Variants in PDGFD observed in about 807,000 individuals in gnomAD.
PDGFD encodes the protein platelet-derived growth factor D.
Under a neutral mutation model 44.7 loss-of-function variants are expected in PDGFD, and 30 were observed. The observed-to-expected ratio is 0.67, with a 90% CI of 0.50 to 0.91. PDGFD has a LOEUF of 0.91. Ranked by LOEUF, PDGFD falls within the 40% of genes least tolerant of loss-of-function variation. The probability of loss-of-function intolerance (pLI) is 0.00; values close to 1 mark genes in which losing one functional copy is unlikely to be tolerated. For synonymous variants in PDGFD, 173 were observed against 168.4 expected, an observed-to-expected ratio of 1.03 and a Z score of -0.21; for missense variants, 445 against 457.8, an observed-to-expected ratio of 0.97 and a Z score of 0.25.
intron 1 of PDGFD, among the ~76,000 whole-genome samples, chr11:104,044,930 C>A (rs1179354693): frequency 1.3e-5 from 2 of 152,030 alleles, no homozygotes; most frequent in Non-Finnish European, 2.9e-5. Context: ...CCCAGGTAGT[C>A]CGGAGGCTGA....
intron 1 of PDGFD, among the ~76,000 whole-genome samples, chr11:104,086,207 A>G (rs1050488262): frequency 1.3e-5 from 2 of 152,156 alleles, no homozygotes; most frequent in Non-Finnish European, 2.9e-5. Context: ...AGTAGAGTCT[A>G]TAAGTCTTGC....
chr11:103,943,968 G>C (rs1858632598), intron 4 of PDGFD, among the ~76,000 whole-genome samples: 1 of 152,036 alleles, frequency 6.6e-6, no homozygotes, highest in Non-Finnish European at 1.5e-5. Context: ...CAGTTTCTTG[G>C]TTCATGGTCC....
At chr11:103,959,413 C>T (rs1858903554) in intron 3 of PDGFD, among the ~76,000 whole-genome samples, 1 of 152,198 alleles carries the variant, frequency 6.6e-6, no homozygotes, top group African/African-American at 2.4e-5. Flanking sequence ...TGTGGTTAAA[C>T]TAGAGAGATG....
At chr11:103,937,797 T>C (rs1001449239) in intron 5 of PDGFD, among the ~76,000 whole-genome samples, 2 of 148,350 alleles carry the variant, frequency 1.3e-5, no homozygotes, top group Non-Finnish European at 3.0e-5. Context: ...AGTGAGAACA[T>C]GCGGTGTTTG....
intron 1 of PDGFD, among the ~76,000 whole-genome samples, chr11:104,015,836 C>T (rs561489697): frequency 6.6e-6 from 1 of 152,250 alleles, no homozygotes; most frequent in East Asian, 1.9e-4. Flanking sequence ...TGGTTAAAAA[C>T]AGAGACACAG....
chr11:104,013,089 G>A (rs1313882597), intron 1 of PDGFD, among the ~76,000 whole-genome samples: 1 of 152,208 alleles, frequency 6.6e-6, no homozygotes, highest in African/African-American at 2.4e-5. Context: ...GAGCAGTATG[G>A]CAGAGAAGGA....
At chr11:104,113,737 C>G (rs1480234391) in intron 1 of PDGFD, among the ~76,000 whole-genome samples, 1 of 151,996 alleles carries the variant, frequency 6.6e-6, no homozygotes, top group Non-Finnish European at 1.5e-5. Context: ...TTCCTACCAG[C>G]TATAATGAAA....
intron 1 of PDGFD, among the ~76,000 whole-genome samples, chr11:104,073,179 G>A (rs1046736218): frequency 2.0e-5 from 3 of 151,988 alleles, no homozygotes; most frequent in African/African-American, 7.2e-5. Context: ...AACTATATAA[G>A]CTGCAATTGA....
rs560354386 is a variant in PDGFD at position 104,110,998 on chromosome 11, TTTTG to T, written c.124+52802_124+52805del. On this transcript the variant is annotated intron_variant, in intron 1 of 6. Coordinates refer to ENST00000393158, the MANE Select transcript of PDGFD (RefSeq NM_025208.5). Reference sequence around the variant, plus strand: ...AGTTTCAATTCTAGAAATATATTGCTTTTGTTTATTGAGTAAAATTCTACAGGAA... The same window carrying T: ...AGTTTCAATTCTAGAAATATATTGCTTTTATTGAGTAAAATTCTACAGGAA... Among the ~76,000 whole-genome samples, 312 of 152,268 alleles carry T rather than the reference TTTTG, an allele frequency of 2.0e-3. 1 individual carries two copies. Among genetic ancestry groups the T allele is most frequent in the Admixed American group, 3.3e-3 (50 of 15,274 alleles).
intron 1 of PDGFD, among the ~76,000 whole-genome samples, chr11:104,062,445 A>G (rs1860730360): frequency 6.6e-6 from 1 of 152,256 alleles, no homozygotes; most frequent in African/African-American, 2.4e-5. Flanking sequence ...GTGAAACTGC[A>G]TAACTGGTGC....
chr11:104,082,133 C>CATATATATAT lies in PDGFD; in HGVS notation c.124+81670_124+81671insATATATATAT, dbSNP rs981551524. Reference sequence around the variant, plus strand: ...ATTTTTGTTGATGTCCATATACATACATACATATATATATATGAAAAACAA... The same window carrying CATATATATAT: ...ATTTTTGTTGATGTCCATATACATACATATATATATATACATATATATATATGAAAAACAA... On this transcript the variant is annotated intron_variant, in intron 1 of 6. Transcript: ENST00000393158. 1.7e-3 allele frequency among the ~76,000 whole-genome samples: 204 copies of CATATATATAT among 117,536 alleles called. 11 individuals carry two copies. The highest frequency in any genetic ancestry group is 2.1e-3 in the Non-Finnish European group (128 of 59,566). 77.1% of individuals were successfully genotyped at this position (117,536 alleles called of 152,430 possible).
Position 104,064,740 on chromosome 11 carries a change from T to C in PDGFD, c.125-64485A>G, listed in dbSNP as rs533170296. Reference sequence around the variant, plus strand: ...TTTGGTCATACTCTACTTTCACATTTAATTCCATAAATGTCTCCTTTTATA... The same window carrying C: ...TTTGGTCATACTCTACTTTCACATTCAATTCCATAAATGTCTCCTTTTATA... On this transcript the variant is annotated intron_variant, in intron 1 of 6. Coordinates refer to ENST00000393158, the MANE Select transcript of PDGFD (RefSeq NM_025208.5). 8.5e-5 allele frequency among the ~76,000 whole-genome samples: 13 copies of C among 152,368 alleles called. No homozygotes were observed. The East Asian group carries it at 1.7e-3, about 20-fold the overall frequency.
chr11:104,028,580 A>G (rs1860080996), intron 1 of PDGFD, among the ~76,000 whole-genome samples: 1 of 150,938 alleles, frequency 6.6e-6, no homozygotes, highest in Non-Finnish European at 1.5e-5. Flanking sequence ...TTTTTATGTC[A>G]GTTGAATGCC....
intron 1 of PDGFD, among the ~76,000 whole-genome samples, chr11:104,101,808 C>G (rs1400053871): frequency 7.9e-5 from 12 of 151,754 alleles, no homozygotes; most frequent in Non-Finnish European, 1.5e-4. Flanking sequence ...ACAAACCTGA[C>G]AAAAACAAGA....
chr11:104,157,472 AC>A (rs1329481887), intron 1 of PDGFD, among the ~76,000 whole-genome samples: 1 of 152,146 alleles, frequency 6.6e-6, no homozygotes, highest in Non-Finnish European at 1.5e-5. Context: ...AGCTCCCTTA[AC>A]ATTACTCCCC....
At chr11:104,072,020 C>G (rs539981044) in intron 1 of PDGFD, among the ~76,000 whole-genome samples, 1 of 151,706 alleles carries the variant, frequency 6.6e-6, no homozygotes, top group East Asian at 1.9e-4. Flanking sequence ...CAGGGATAGT[C>G]CTCTTTTGCA....
intron 1 of PDGFD, among the ~76,000 whole-genome samples, chr11:104,050,286 C>G (rs892778487): frequency 1.3e-5 from 2 of 152,072 alleles, no homozygotes; most frequent in African/African-American, 4.8e-5. Context: ...GAAGACCAGA[C>G]TGTTCTGCTC....
intron 3 of PDGFD, among the ~76,000 whole-genome samples, chr11:103,948,027 C>T (rs974412057): frequency 1.5e-4 from 23 of 152,142 alleles, no homozygotes; most frequent in Non-Finnish European, 5.9e-5. Context: ...CCCCTCCAGT[C>T]CTTCCTTTCC....
chr11:104,156,289 A>C (rs1862306861), intron 1 of PDGFD, among the ~76,000 whole-genome samples: 1 of 152,132 alleles, frequency 6.6e-6, no homozygotes, highest in African/African-American at 2.4e-5. Context: ...CAGGAGGTTG[A>C]AGCTGCAGTA....
Sources: allele counts gnomAD v4.1 joint callset (sites outside exome capture counted in the v4.1 genomes callset), GRCh38; gene constraint gnomAD v4.1.1; transcripts MANE v1.5; gene names NCBI Gene and HGNC (gene_info 2026-07-23, HGNC 2026-07-21).